The following MFSD8 variants were observed in gnomAD, a reference collection of about 807,000 sequenced individuals.
MFSD8 encodes the protein major facilitator superfamily domain-containing protein 8.
MFSD8 carries 55 observed loss-of-function variants against 66.4 expected under a neutral mutation model. That is an observed-to-expected ratio of 0.83 (90% CI 0.67 to 1.04). The LOEUF (loss-of-function observed/expected upper bound fraction) is 1.04, where lower values mean the gene tolerates loss of function less well. MFSD8 is among the 50% of genes least tolerant of loss of function. MFSD8 has a pLI of 0.00. For missense variants in MFSD8, 550 were observed against 627.6 expected, an observed-to-expected ratio of 0.88 and a Z score of 1.32; for synonymous variants, 202 against 212.8, an observed-to-expected ratio of 0.95 and a Z score of 0.44.
intron 8 of MFSD8, among the ~76,000 whole-genome samples, chr4:127,931,271 T>C (rs76581786): frequency 0.032 from 4,928 of 152,290 alleles, 261 homozygotes; most frequent in African/African-American, 0.11. Flanking sequence ...TCTTCCTTTA[T>C]ATGACTATAT....
At position 127,957,540 on chromosome 4, in the gene MFSD8, T is replaced by C. The variant is rs201739608; in HGVS notation, c.115A>G (p.Ile39Val). Reference sequence around the variant, plus strand: ...AACATAGTAAGATATAAAATCCTAATAGATCTCCATCGGCTCTTATAATGC... The same window carrying C: ...AACATAGTAAGATATAAAATCCTAACAGATCTCCATCGGCTCTTATAATGC... Reference protein sequence around the residue: ...EEHYKSRWRSIRILYLTMFLS... With the variant: ...EEHYKSRWRSVRILYLTMFLS... Residue 39 changes from isoleucine (I) to valine (V), a missense_variant, in exon 2 of 12, where the codon ATT (isoleucine) becomes GTT (valine). Physicochemically the swap from Ile to Val is conservative, Grantham distance 29. Transcript: ENST00000641686. 145 of 1,611,906 alleles carry C rather than the reference T, an allele frequency of 9.0e-5. No individual in the cohort carries two copies. Among genetic ancestry groups the C allele is most frequent in the Non-Finnish European group, 1.1e-4 (133 of 1,178,442 alleles).
intron 2 of MFSD8, among the ~76,000 whole-genome samples, chr4:127,952,291 C>T (rs980900303): frequency 9.9e-5 from 15 of 151,780 alleles, no homozygotes; most frequent in Non-Finnish European, 1.2e-4. Context: ...GTAGTCCCAG[C>T]TACTCGGGAG....
intron 5 of MFSD8, among the ~76,000 whole-genome samples, chr4:127,940,538 A>ATATATATATGTG (rs890487889): frequency 7.1e-6 from 1 of 140,688 alleles, no homozygotes; most frequent in African/African-American, 2.8e-5. Context: ...ATATATATAT[A>ATATATATATGTG]TGTGTGTGTG....
At chr4:127,931,751 T>C (rs1019794831) in intron 8 of MFSD8, among the ~76,000 whole-genome samples, 11 of 152,176 alleles carry the variant, frequency 7.2e-5, no homozygotes, top group African/African-American at 2.4e-4. Flanking sequence ...AAATAGCTAG[T>C]GGTCATGGTT....
chr4:127,942,291 C>T lies in MFSD8; in HGVS notation c.440-133G>A, dbSNP rs1740315274. 5.7e-6 allele frequency: 4 copies of T among 703,610 alleles called. No individual in the cohort carries two copies. The Admixed American group carries it at 8.3e-5, about 15-fold the overall frequency. 43.6% of individuals were successfully genotyped at this position (703,610 alleles called of 1,614,324 possible). ...AGTCACTGCTTCCTCTTTATGATCA[C>T]ACAAAGCATGTAAGGTATTTTTATT... On this transcript the variant is annotated intron_variant, in intron 4 of 11. Coordinates refer to ENST00000641686, the MANE Select transcript of MFSD8 (RefSeq NM_001371596.2).
chr4:127,950,930 G>A (rs1268282905), intron 2 of MFSD8, among the ~76,000 whole-genome samples: 4 of 150,478 alleles, frequency 2.7e-5, no homozygotes, highest in African/African-American at 4.9e-5. Flanking sequence ...GCATGGTAGC[G>A]CATGCCTGTA....
chr4:127,962,797 G>A (rs1235201648), intron 1 of MFSD8, among the ~76,000 whole-genome samples: 1 of 152,186 alleles, frequency 6.6e-6, no homozygotes, highest in Non-Finnish European at 1.5e-5. Context: ...TCATTTTAAT[G>A]ATCTCAAGAT....
intron 8 of MFSD8, chr4:127,932,188 T>A (rs1463446541): frequency 6.6e-6 from 1 of 152,198 alleles, no homozygotes; most frequent in Non-Finnish European, 1.5e-5. Flanking sequence ...GCCCCTAAAA[T>A]ATCAGGTGAG....
At chr4:127,960,509 AACAG>A (rs1358926188) in intron 1 of MFSD8, among the ~76,000 whole-genome samples, 2 of 152,276 alleles carry the variant, frequency 1.3e-5, no homozygotes, top group African/African-American at 2.4e-5. Context: ...CAGCCTGGGC[AACAG>A]ACAGTCTGTC....
At position 127,942,923 on chromosome 4, in the gene MFSD8, T is replaced by C. The variant is rs574567653; in HGVS notation, c.440-765A>G. ...TTAAAGTATCATTAATTCTTTCTAA[T>C]TGCAAAAAGTTTAGGTTGGGAATGG... On this transcript the variant is annotated intron_variant, in intron 4 of 11. Coordinates refer to ENST00000641686, the MANE Select transcript of MFSD8 (RefSeq NM_001371596.2). 4.6e-5 allele frequency among the ~76,000 whole-genome samples: 7 copies of C among 152,192 alleles called. No individual in the cohort carries two copies. In the South Asian group the frequency reaches 1.5e-3, roughly 32 times the overall value.
Position 127,930,837 on chromosome 4 carries a change from T to A in MFSD8, c.864-20A>T. ...ATGATGCTAAGAAAAAAAAAATTAT[T>A]CTTATTTTATTTAAATCACAGTAAC... On this transcript the variant is annotated intron_variant, in intron 8 of 11. Coordinates refer to ENST00000641686, the MANE Select transcript of MFSD8 (RefSeq NM_001371596.2). The A allele has an allele frequency of 1.3e-6, 2 of 1,594,360 alleles. No individual in the cohort carries two copies. The highest frequency in any genetic ancestry group is 8.6e-7 in the Non-Finnish European group (1 of 1,167,778).
chr4:127,921,987 A>C (rs751380488), intron 9 of MFSD8, 24 bp from the exon 10 acceptor site: 1 of 1,583,124 alleles, frequency 6.3e-7, no homozygotes, highest in Non-Finnish European at 8.7e-7. Context: ...GAAACTCTGT[A>C]ATTTTAAAAT....
chr4:127,920,372 T>C lies in MFSD8; in HGVS notation c.*258A>G, dbSNP rs151190415. The C allele has an allele frequency of 6.3e-6, 3 of 475,902 alleles. No homozygotes were observed. Among genetic ancestry groups the C allele is most frequent in the South Asian group, 4.2e-5 (2 of 47,254 alleles). The allele number at this position is 475,902 out of a possible 1,614,324, so 29.5% of individuals were successfully genotyped here. ...CATTGTCCATTCACTCATTAGTTCA[T>C]GCAACCACAAAAAGGTATTATAAGA... On this transcript the variant is annotated 3_prime_UTR_variant, in exon 12 of 12. Coordinates refer to ENST00000641686, the MANE Select transcript of MFSD8 (RefSeq NM_001371596.2).
chr4:127,918,498 T>C lies in MFSD8; in HGVS notation c.*2132A>G, dbSNP rs561042544. 6.6e-6 allele frequency: 1 copy of C among 152,346 alleles called. No homozygotes were observed. The highest frequency in any genetic ancestry group is 2.1e-4 in the South Asian group (1 of 4,830). The allele number at this position is 152,346 out of a possible 1,614,324, so 9.4% of individuals were successfully genotyped here. A position where few individuals can be genotyped will look rare whatever the true frequency, so the allele number is the denominator to read the frequency against. The stretch of plus-strand genomic sequence containing the variant: ...GGGAAACTTTTTTCTGTTATATTCT[T>C]GCTGGAAACAGGTTATTATGCTAAG... On this transcript the variant is annotated 3_prime_UTR_variant, in exon 12 of 12. Transcript: ENST00000641686.
At position 127,921,579 on chromosome 4, in the gene MFSD8, A is replaced by C; in HGVS notation, c.1295T>G (p.Val432Gly). The stretch of plus-strand genomic sequence containing the variant: ...TAGAGTATAGGACATAAGATTGCAG[A>C]CTGGATAGCCTAATCCTATTAGCAC... ...SAVLIGLGYP[V>G]CNLMSYTLYS... Residue 432 changes from valine to glycine, a missense_variant, in exon 11 of 12, where the codon GTC (valine) becomes GGC (glycine). By Grantham distance (109) the Val-to-Gly change is moderately radical. Coordinates refer to ENST00000641686, the MANE Select transcript of MFSD8 (RefSeq NM_001371596.2). The C allele has an allele frequency of 1.2e-6, 2 of 1,614,214 alleles. No homozygotes were observed. The highest frequency in any genetic ancestry group is 1.7e-6 in the Non-Finnish European group (2 of 1,180,040).
chr4:127,965,468 C>T (rs1245506830), upstream of MFSD8: 5 of 459,106 alleles, frequency 1.1e-5, no homozygotes, highest in East Asian at 2.2e-4. Context: ...TCCGCTGTAT[C>T]TAGCATTTCG....
intron 1 of MFSD8, 129 bp downstream of exon 1, chr4:127,964,943 G>T: frequency 8.9e-7 from 1 of 1,126,720 alleles, no homozygotes. Flanking sequence ...ACACAACCCA[G>T]CCACCGGCTC....
Position 127,920,841 on chromosome 4 carries a change from TG to T in MFSD8, c.1351-6del, listed in dbSNP as rs777941105. On this transcript the variant is annotated splice_region_variant and splice_polypyrimidine_tract_variant and intron_variant, in intron 11 of 11. Transcript: ENST00000641686. ...TAACCAGCCCATGTATACACCCTGT[TG>T]GGGGTGAAATGGAGGACAAGCAGAT... The T allele has an allele frequency of 1.9e-6, 3 of 1,613,082 alleles. No individual in the cohort carries two copies. In the East Asian group the frequency reaches 6.7e-5, roughly 36 times the overall value.
rs1736028499 is a variant in MFSD8, at chr4:127,918,292, T to C, written c.*2338A>G. ...TTTTCCTCAAACTTTATCTCCTTGCTCTTTTCCCAATCCCATGTTACTTCC... is the reference window on the plus strand; with the variant it reads ...TTTTCCTCAAACTTTATCTCCTTGCCCTTTTCCCAATCCCATGTTACTTCC... On this transcript the variant is annotated 3_prime_UTR_variant, in exon 12 of 12. Transcript: ENST00000641686. 6.6e-6 allele frequency: 1 copy of C among 152,210 alleles called. No individual in the cohort carries two copies. Among genetic ancestry groups the C allele is most frequent in the Admixed American group, 6.5e-5 (1 of 15,272 alleles). The allele number at this position is 152,210 out of a possible 1,614,324, so 9.4% of individuals were successfully genotyped here.
Sources: allele counts gnomAD v4.1 joint callset (sites outside exome capture counted in the v4.1 genomes callset), GRCh38; gene constraint gnomAD v4.1.1; transcripts MANE v1.5; gene names NCBI Gene and HGNC (gene_info 2026-07-23, HGNC 2026-07-21).